LRMDA: variants seen among roughly 807,000 people sequenced by gnomAD.
LRMDA encodes the protein leucine rich melanocyte differentiation associated.
A neutral mutation model predicts 29.8 loss-of-function variants in LRMDA; 18 were observed. The observed-to-expected ratio is 0.60, with a 90% CI of 0.42 to 0.90. LRMDA has a LOEUF of 0.90. LRMDA is among the 40% of genes least tolerant of loss of function. LRMDA has a pLI of 0.00. For missense variants in LRMDA, 273 were observed against 273.9 expected (o/e 1.00, Z 0.02); for synonymous variants, 125 against 109.4 (o/e 1.14, Z -0.89).
chr10:75,574,102 C>T (rs1283475682), intron 2 of LRMDA, among the ~76,000 whole-genome samples: 1 of 151,976 alleles, frequency 6.6e-6, no homozygotes, highest in Non-Finnish European at 1.5e-5. Context: ...TTATGCAGAG[C>T]TCTTAGTTCC....
At chr10:76,186,681 A>T (rs1851156121) in intron 5 of LRMDA, among the ~76,000 whole-genome samples, 1 of 152,180 alleles carries the variant, frequency 6.6e-6, no homozygotes, top group South Asian at 2.1e-4. Flanking sequence ...GTCGGTGCAC[A>T]TTTATTGGGT....
At chr10:75,737,100 CAT>C (rs1348935927) in intron 2 of LRMDA, among the ~76,000 whole-genome samples, 5 of 152,054 alleles carry the variant, frequency 3.3e-5, no homozygotes, top group Non-Finnish European at 5.9e-5. Context: ...CACACACACA[CAT>C]GCACACGCAC....
intron 5 of LRMDA, among the ~76,000 whole-genome samples, chr10:76,194,346 C>G (rs1946709): frequency 1.3e-5 from 2 of 152,252 alleles, no homozygotes; most frequent in Middle Eastern, 3.4e-3. Context: ...CACTTCTTTC[C>G]TGACATCTGC....
intron 6 of LRMDA, among the ~76,000 whole-genome samples, chr10:76,434,250 T>C (rs566332025): frequency 6.6e-6 from 1 of 152,268 alleles, no homozygotes; most frequent in South Asian, 2.1e-4. Flanking sequence ...CTCCTGCCCA[T>C]GGAAAATGAG....
chr10:76,170,498 C>A (rs1238528817), intron 5 of LRMDA, among the ~76,000 whole-genome samples: 1 of 152,204 alleles, frequency 6.6e-6, no homozygotes, highest in African/African-American at 2.4e-5. Context: ...CACTAACTAG[C>A]TCTTTGACCT....
chr10:76,503,326 G>A (rs111996364), intron 6 of LRMDA, among the ~76,000 whole-genome samples: 36 of 151,880 alleles, frequency 2.4e-4, no homozygotes, highest in African/African-American at 3.1e-4. Flanking sequence ...ACGGACTGGC[G>A]CTGACATTGT....
intron 2 of LRMDA, among the ~76,000 whole-genome samples, chr10:75,967,655 G>GA (rs1472230661): frequency 6.6e-6 from 1 of 152,126 alleles, no homozygotes; most frequent in Non-Finnish European, 1.5e-5. Flanking sequence ...TTGTGGTGAT[G>GA]AATTGTGTTA....
chr10:76,149,357 C>T (rs951025300), intron 5 of LRMDA, among the ~76,000 whole-genome samples: 1 of 152,126 alleles, frequency 6.6e-6, no homozygotes, highest in African/African-American at 2.4e-5. Context: ...AGAGTCAGTG[C>T]CTGGTCCTAG....
At chr10:75,551,431 C>G (rs1840145634) in intron 2 of LRMDA, among the ~76,000 whole-genome samples, 1 of 152,046 alleles carries the variant, frequency 6.6e-6, no homozygotes, top group Non-Finnish European at 1.5e-5. Flanking sequence ...GTTTGCTGCA[C>G]TCATTAACCC....
In LRMDA at chr10:76,557,379, C is replaced by T. The variant is rs1843572105; in HGVS notation, c.*91C>T. The T allele has an allele frequency of 6.9e-6, 7 of 1,021,370 alleles. No individual in the cohort carries two copies. The highest frequency in any genetic ancestry group is 9.0e-6 in the Non-Finnish European group (6 of 666,318). 63.3% of individuals were successfully genotyped at this position (1,021,370 alleles called of 1,614,324 possible). On this transcript the variant is annotated 3_prime_UTR_variant, in exon 7 of 7. Coordinates refer to ENST00000611255, the MANE Select transcript of LRMDA (RefSeq NM_001305581.2). Reference sequence around the variant, plus strand: ...GAAAACGCTAAAGAAAAAACAATAGCCCACATTGCCTCTCTTTGGGAAAAG... The same window carrying T: ...GAAAACGCTAAAGAAAAAACAATAGTCCACATTGCCTCTCTTTGGGAAAAG...
At chr10:75,775,993 G>T (rs935685691) in intron 2 of LRMDA, among the ~76,000 whole-genome samples, 1 of 152,198 alleles carries the variant, frequency 6.6e-6, no homozygotes, top group African/African-American at 2.4e-5. Context: ...AGCTTGAGGA[G>T]TTTAGTTAGC....
intron 2 of LRMDA, among the ~76,000 whole-genome samples, chr10:75,931,515 C>A (rs898120303): frequency 3.9e-5 from 6 of 152,176 alleles, no homozygotes; most frequent in Non-Finnish European, 7.4e-5. Context: ...TAATAGACAT[C>A]TTGGTCCCTC....
chr10:76,240,971 T>C (rs543323571), intron 5 of LRMDA, among the ~76,000 whole-genome samples: 1 of 152,048 alleles, frequency 6.6e-6, no homozygotes, highest in Admixed American at 6.6e-5. Flanking sequence ...GCAACCTGGA[T>C]GGAACTGGAG....
chr10:76,453,433 T>C (rs531848109), intron 6 of LRMDA, among the ~76,000 whole-genome samples: 36 of 152,324 alleles, frequency 2.4e-4, no homozygotes, highest in Non-Finnish European at 5.0e-4. Context: ...CAGAGTCTTC[T>C]TGAAACATGT....
intron 2 of LRMDA, among the ~76,000 whole-genome samples, chr10:75,809,931 G>A (rs1843927214): frequency 6.6e-6 from 1 of 152,180 alleles, no homozygotes; most frequent in Admixed American, 6.5e-5. Flanking sequence ...GTGAGTGGTG[G>A]CAGCAGGGTA....
intron 2 of LRMDA, among the ~76,000 whole-genome samples, chr10:75,880,344 G>A (rs965981745): frequency 6.6e-6 from 1 of 152,148 alleles, no homozygotes; most frequent in African/African-American, 2.4e-5. Context: ...ATGTTATAAG[G>A]AGTACTAAAA....
intron 2 of LRMDA, among the ~76,000 whole-genome samples, chr10:75,507,818 C>T (rs1845185849): frequency 6.6e-6 from 1 of 152,156 alleles, no homozygotes; most frequent in African/African-American, 2.4e-5. Context: ...TTTAGAAATG[C>T]CACCATTTGT....
At chr10:76,255,863 G>A in intron 5 of LRMDA, among the ~76,000 whole-genome samples, 1 of 152,166 alleles carries the variant, frequency 6.6e-6, no homozygotes, top group South Asian at 2.1e-4. Flanking sequence ...CAGTCTGAAG[G>A]GGATTTAATT....
intron 2 of LRMDA, among the ~76,000 whole-genome samples, chr10:75,939,372 G>A (rs561340209): frequency 6.6e-6 from 1 of 152,236 alleles, no homozygotes; most frequent in Non-Finnish European, 1.5e-5. Flanking sequence ...TGGTTGTGTT[G>A]TGTTCTGTTT....
Sources: allele counts gnomAD v4.1 joint callset (sites outside exome capture counted in the v4.1 genomes callset), GRCh38; gene constraint gnomAD v4.1.1; transcripts MANE v1.5; gene names NCBI Gene and HGNC (gene_info 2026-07-23, HGNC 2026-07-21).